Variants in DDX4 observed in about 807,000 individuals in gnomAD.
The protein encoded by DDX4 is probable ATP-dependent RNA helicase DDX4.
A neutral mutation model predicts 100.0 loss-of-function variants in DDX4; 25 were observed. The observed-to-expected ratio is 0.25, with a 90% confidence interval of 0.18 to 0.35. DDX4 has a LOEUF of 0.35. DDX4 is among the 10% of genes least tolerant of loss of function. DDX4 has a pLI of 1.00. For missense variants in DDX4, 635 were observed against 882.4 expected, an observed-to-expected ratio of 0.72 and a Z score of 3.55; for synonymous variants, 259 against 275.7, an observed-to-expected ratio of 0.94 and a Z score of 0.60.
At chr5:55,754,922 A>G (rs1233972809) in intron 3 of DDX4, among the ~76,000 whole-genome samples, 1 of 152,144 alleles carries the variant, frequency 6.6e-6, no homozygotes, top group East Asian at 1.9e-4. Context: ...GTGTCAAGGA[A>G]TTTATCCATT....
chr5:55,815,372 C>T lies in DDX4; in HGVS notation c.2046C>T (p.Gly682=). The change falls in exon 21 of 22, where the codon GGC becomes GGT. Residue 682 remains glycine, a synonymous_variant. Coordinates refer to ENST00000505374, the MANE Select transcript of DDX4 (RefSeq NM_024415.3). ...EEIAFSTYIP[G]FSGSTRGNVF... ...TTGCCTTTAGTACATACATTCCTGG[C>T]TTCAGTGGTAGTACAAGAGGAAACG... 6.2e-7 allele frequency: 1 copy of T among 1,613,776 alleles called. No homozygotes were observed. Among genetic ancestry groups the T allele is most frequent in the African/African-American group, 1.3e-5 (1 of 74,996 alleles).
chr5:55,767,711 G>A (rs1293509354), intron 6 of DDX4, among the ~76,000 whole-genome samples, 170 bp from the exon 7 acceptor site: 1 of 152,128 alleles, frequency 6.6e-6, no homozygotes, highest in Non-Finnish European at 1.5e-5. Context: ...AATCGACTCT[G>A]AGTAATGTCT....
intron 15 of DDX4, among the ~76,000 whole-genome samples, chr5:55,788,824 G>T (rs1742385411): frequency 6.6e-6 from 1 of 152,112 alleles, no homozygotes; most frequent in Non-Finnish European, 1.5e-5. Flanking sequence ...CTAGCACTTT[G>T]GGAGGCCAAG....
intron 10 of DDX4, among the ~76,000 whole-genome samples, chr5:55,783,725 A>C (rs1183876943): frequency 5.3e-5 from 8 of 151,992 alleles, no homozygotes; most frequent in Non-Finnish European, 1.2e-4. Context: ...TAATTAGGGG[A>C]ATTGGCTCGT....
chr5:55,791,180 C>T (rs548313950), intron 16 of DDX4, among the ~76,000 whole-genome samples: 1 of 152,226 alleles, frequency 6.6e-6, no homozygotes, highest in South Asian at 2.1e-4. Context: ...TTTTCTAAAT[C>T]TTTAAAAAGA....
chr5:55,794,274 A>G (rs1467004877), intron 17 of DDX4, among the ~76,000 whole-genome samples: 3 of 150,924 alleles, frequency 2.0e-5, no homozygotes, highest in Non-Finnish European at 3.0e-5. Context: ...TGCAACCTCA[A>G]TCTCCCGGGT....
Position 55,781,924 on chromosome 5 carries a change from T to C in DDX4, c.578-10T>C, listed in dbSNP as rs1741936783. ...TTTATCTAAATATGTTGTGAAACAA[T>C]GCCTTACAGGTAATGGTGATACTTC... On this transcript the variant is annotated splice_polypyrimidine_tract_variant and intron_variant, in intron 9 of 21. Transcript: ENST00000505374. The C allele has an allele frequency of 1.2e-6, 2 of 1,613,918 alleles. No homozygotes were observed. Among genetic ancestry groups the C allele is most frequent in the African/African-American group, 2.7e-5 (2 of 75,058 alleles).
chr5:55,811,714 G>A (rs1320513625), intron 18 of DDX4, among the ~76,000 whole-genome samples: 1 of 152,136 alleles, frequency 6.6e-6, no homozygotes, highest in Non-Finnish European at 1.5e-5. Flanking sequence ...TTGGGAGCAG[G>A]GAGATGGGAA....
At chr5:55,786,006 A>G in intron 13 of DDX4, 135 bp downstream of exon 13, 2 of 565,916 alleles carry the variant, frequency 3.5e-6, no homozygotes, top group East Asian at 3.0e-5. Flanking sequence ...GAAATTTAGA[A>G]TGATGTCTTA....
intron 10 of DDX4, among the ~76,000 whole-genome samples, chr5:55,785,040 A>C (rs73131149): frequency 0.011 from 1,738 of 152,368 alleles, 37 homozygotes; most frequent in African/African-American, 0.04. Context: ...TAGAAAATAC[A>C]TTCCTTTGCT....
At chr5:55,778,563 G>A (rs540650327) in intron 7 of DDX4, among the ~76,000 whole-genome samples, 7 of 152,254 alleles carry the variant, frequency 4.6e-5, no homozygotes, top group East Asian at 3.9e-4. Flanking sequence ...AAAAGAAAAT[G>A]AGGTAGTTTC....
Position 55,807,575 on chromosome 5 carries a change from CT to C in DDX4, c.1616-6094del, listed in dbSNP as rs541188177. Among the ~76,000 whole-genome samples the C allele has an allele frequency of 3.9e-3, 595 of 152,282 alleles. 5 individuals carry two copies. The highest frequency in any genetic ancestry group is 0.014 in the African/African-American group (575 of 41,538). ...TGTAAAGTATTTTATTTCTCCTTCA[CT>C]TTTGAAGCTTAGTTTGGCTGGATAT... is the stretch of plus-strand genomic sequence containing the variant. On this transcript the variant is annotated intron_variant, in intron 18 of 21. Coordinates refer to ENST00000505374, the MANE Select transcript of DDX4 (RefSeq NM_024415.3).
In DDX4 at chr5:55,784,386, T is replaced by A. The variant is rs571082847; in HGVS notation, c.626-911T>A. On this transcript the variant is annotated intron_variant, in intron 10 of 21. Transcript: ENST00000505374. The stretch of plus-strand genomic sequence containing the variant: ...TTGGATGGTGCCTGCCCAGATTGGA[T>A]GAGGGTCGATCTTCTTACTCTGTCC... Among the ~76,000 whole-genome samples the A allele has an allele frequency of 1.7e-3, 264 of 152,286 alleles. 1 individual carries two copies. The highest frequency in any genetic ancestry group is 2.6e-3 in the Non-Finnish European group (175 of 68,026).
At chr5:55,771,646 A>G (rs1007707195) in intron 7 of DDX4, among the ~76,000 whole-genome samples, 2 of 152,182 alleles carry the variant, frequency 1.3e-5, no homozygotes, top group South Asian at 2.1e-4. Context: ...AGTATTGTCA[A>G]ATGTTTTCAG....
intron 10 of DDX4, among the ~76,000 whole-genome samples, chr5:55,783,579 A>G (rs1377033695): frequency 3.3e-5 from 5 of 152,062 alleles, no homozygotes; most frequent in Non-Finnish European, 5.9e-5. Flanking sequence ...TTCCTTGGCT[A>G]GTGTATATTA....
At chr5:55,780,089 T>G in intron 8 of DDX4, 24 bp downstream of exon 8, 1 of 1,612,330 alleles carries the variant, frequency 6.2e-7, no homozygotes, top group South Asian at 1.1e-5. Context: ...TTGCAAATGA[T>G]GTGCTTCATT....
At chr5:55,771,841 G>T (rs188800895) in intron 7 of DDX4, among the ~76,000 whole-genome samples, 1 of 152,264 alleles carries the variant, frequency 6.6e-6, no homozygotes, top group Admixed American at 6.5e-5. Flanking sequence ...GACATCTTTT[G>T]TCAAGTCGTT....
chr5:55,801,522 A>C (rs913612139), intron 18 of DDX4, among the ~76,000 whole-genome samples: 12 of 152,234 alleles, frequency 7.9e-5, no homozygotes, highest in African/African-American at 2.9e-4. Flanking sequence ...TAGAAGGCAC[A>C]AAGAGTGTGC....
At chr5:55,765,418 A>G (rs1740853509) in intron 6 of DDX4, among the ~76,000 whole-genome samples, 1 of 135,404 alleles carries the variant, frequency 7.4e-6, no homozygotes. Context: ...AAAAAAATAT[A>G]TATATATATA....
Sources: gnomAD v4.1 joint callset for allele counts (sites outside exome capture counted in the v4.1 genomes callset) on GRCh38, gnomAD v4.1.1 for gene constraint, MANE v1.5 for transcripts, NCBI Gene and HGNC (gene_info 2026-07-23, HGNC 2026-07-21) for gene names.